Variants in MRM1 observed in about 807,000 individuals in gnomAD.
MRM1 encodes the protein mitochondrial rRNA methyltransferase 1.
A neutral mutation model predicts 25.0 loss-of-function variants in MRM1; 24 were observed. That is an observed-to-expected ratio of 0.96 (90% CI 0.69 to 1.35). The LOEUF (loss-of-function observed/expected upper bound fraction) is 1.35. MRM1 is among the 40% of genes most tolerant of loss of function. MRM1 has a pLI of 0.00. For synonymous variants in MRM1, 188 were observed against 199.2 expected (o/e 0.94, Z 0.47); for missense variants, 431 against 464.1 (o/e 0.93, Z 0.65).
At chr17:36,628,388 C>G in the MRM1 span, among the ~76,000 whole-genome samples, 2 of 152,212 alleles carry the variant, frequency 1.3e-5, no homozygotes, top group African/African-American at 4.8e-5. Context: ...AGTTCAGCTG[C>G]AGGCAGATAC....
At chr17:36,630,646 T>A in the MRM1 span, among the ~76,000 whole-genome samples, 2 of 151,470 alleles carry the variant, frequency 1.3e-5, no homozygotes, top group Non-Finnish European at 2.9e-5. Context: ...GATAGGAGAG[T>A]GAGGTGGTGA....
In MRM1 at chr17:36,602,199, C is replaced by G; in HGVS notation, c.389C>G (p.Pro130Arg). 6.2e-7 allele frequency: 1 copy of G among 1,610,766 alleles called. No individual in the cohort carries two copies. The highest frequency in any genetic ancestry group is 1.3e-5 in the African/African-American group (1 of 74,990). The change falls in exon 1 of 5, where the codon CCT becomes CGT. Residue 130 changes from proline to arginine, a missense_variant. By Grantham distance (103) the Pro-to-Arg change is moderately radical. Coordinates refer to ENST00000614766, the MANE Select transcript of MRM1 (RefSeq NM_024864.5). This position sits in a 1 kb window ranked among gnomAD's most constrained non-coding sequence, Gnocchi z 4.1. ...GAGGTGAGCCCGCTGCGGCCCCGGC[C>G]TTGGAGAGAGGCCGGGGAGGCGAGC... is the stretch of plus-strand genomic sequence containing the variant. ...CMEVSPLRPR[P>R]WREAGEASPG...
the MRM1 span, among the ~76,000 whole-genome samples, chr17:36,625,969 T>C: frequency 1.4e-5 from 2 of 147,654 alleles, no homozygotes; most frequent in African/African-American, 2.6e-5. Context: ...CTGATGCTCC[T>C]AGTTCCTCCA....
At chr17:36,626,036 C>T in the MRM1 span, among the ~76,000 whole-genome samples, 1 of 151,756 alleles carries the variant, frequency 6.6e-6, no homozygotes, top group African/African-American at 2.4e-5. Context: ...ACAGCTGTTC[C>T]TTGCGTCTGT....
At chr17:36,603,167 A>ACCCCCCCCCACCC in intron 2 of MRM1, 2 of 918,566 alleles carry the variant, frequency 2.2e-6, no homozygotes, top group Non-Finnish European at 2.6e-6. Context: ...CTCTGACCAT[A>ACCCCCCCCCACCC]CCCCCCCCAA....
intron 2 of MRM1, 63 bp from the exon 3 acceptor site, chr17:36,607,607 T>C: frequency 1.3e-6 from 2 of 1,545,322 alleles, no homozygotes; most frequent in Non-Finnish European, 1.7e-6. Flanking sequence ...TGAGCGAGAG[T>C]AAGACCCTAT....
chr17:36,615,001 C>T, the MRM1 span, among the ~76,000 whole-genome samples: 1 of 152,128 alleles, frequency 6.6e-6, no homozygotes, highest in South Asian at 2.1e-4. Flanking sequence ...TCAGCTCCTT[C>T]CCCAGATTGG....
chr17:36,603,087 TC>T (rs1314947536), intron 2 of MRM1: 10 of 985,196 alleles, frequency 1.0e-5, no homozygotes, highest in Non-Finnish European at 1.2e-5. Flanking sequence ...CCCTCTCCCA[TC>T]CGTTTGTCTT....
the MRM1 span, among the ~76,000 whole-genome samples, chr17:36,627,352 G>A: frequency 6.6e-6 from 1 of 152,202 alleles, no homozygotes; most frequent in South Asian, 2.1e-4. Flanking sequence ...GCCAGCCGCC[G>A]TTGACCTCAC....
chr17:36,610,767 C>A (rs1484593503), downstream of MRM1, among the ~76,000 whole-genome samples: 1 of 152,196 alleles, frequency 6.6e-6, no homozygotes, highest in South Asian at 2.1e-4. Flanking sequence ...CCAGAGGCAC[C>A]TGACTGATTA....
chr17:36,630,781 G>A, the MRM1 span, among the ~76,000 whole-genome samples: 22 of 152,198 alleles, frequency 1.4e-4, no homozygotes, highest in Non-Finnish European at 5.9e-5. Context: ...AAAGGTCTGG[G>A]AGGAGGAAGT....
chr17:36,629,307 C>G, the MRM1 span, among the ~76,000 whole-genome samples: 1 of 152,204 alleles, frequency 6.6e-6, no homozygotes, highest in African/African-American at 2.4e-5. Flanking sequence ...AAAGTGTCAT[C>G]TGGACACTAT....
chr17:36,622,896 G>A, the MRM1 span, among the ~76,000 whole-genome samples: 2 of 152,212 alleles, frequency 1.3e-5, no homozygotes. Context: ...GGGTGGGGAG[G>A]CTTGTGATCT....
In MRM1 at chr17:36,608,003, G is replaced by C; in HGVS notation, c.874G>C (p.Val292Leu). 6.2e-7 allele frequency: 1 copy of C among 1,614,102 alleles called. No homozygotes were observed. Among genetic ancestry groups the C allele is most frequent in the Non-Finnish European group, 8.5e-7 (1 of 1,180,030 alleles). Residue 292 changes from valine (V) to leucine (L), a missense_variant, in exon 4 of 5, where the codon GTC (valine) becomes CTC (leucine). Coordinates refer to ENST00000614766, the MANE Select transcript of MRM1 (RefSeq NM_024864.5). Reference protein sequence around the residue: ...QLPPGLESLNVSVAAGILLHS... With the variant: ...QLPPGLESLNLSVAAGILLHS... ...GCCTCCTGGACTTGAGTCCTTGAAC[G>C]TCTCTGTGGCTGCAGGTGAGTCTAC... is the stretch of plus-strand genomic sequence containing the variant.
the MRM1 span, among the ~76,000 whole-genome samples, chr17:36,615,127 A>T: frequency 6.6e-6 from 1 of 152,158 alleles, no homozygotes. Context: ...TTTTATGGAA[A>T]TGCCTGTCCT....
chr17:36,613,695 G>A (rs546083883), downstream of MRM1, among the ~76,000 whole-genome samples: 46 of 152,298 alleles, frequency 3.0e-4, 1 homozygote, highest in South Asian at 2.9e-3. Context: ...CTGTCCCACC[G>A]ACTCAGTCTA....
At chr17:36,609,455 C>T (rs1373148372), downstream of MRM1, among the ~76,000 whole-genome samples, 2 of 152,238 alleles carry the variant, frequency 1.3e-5, no homozygotes, top group Non-Finnish European at 2.9e-5. Context: ...ATTCCACACC[C>T]TTGACATTTT....
rs2074891114 is a variant in MRM1 at position 36,602,704 on chromosome 17, G to T, written c.636+58G>T. ...TGAGCCCAGCTCAGCCTCTTCAAGG[G>T]GACGAAGCTAGCCCCTGGCGAGGGA... On this transcript the variant is annotated intron_variant, in intron 2 of 4. Coordinates refer to ENST00000614766, the MANE Select transcript of MRM1 (RefSeq NM_024864.5). This position sits in a 1 kb window ranked among gnomAD's most constrained non-coding sequence, Gnocchi z 4.1. 2 of 1,589,338 alleles carry T rather than the reference G, an allele frequency of 1.3e-6. No individual in the cohort carries two copies. Among genetic ancestry groups the T allele is most frequent in the East Asian group, 2.2e-5 (1 of 44,742 alleles).
chr17:36,602,345 A>G lies in MRM1; in HGVS notation c.535A>G (p.Arg179Gly). 1.3e-6 allele frequency: 2 copies of G among 1,557,152 alleles called. No individual in the cohort carries two copies. Among genetic ancestry groups the G allele is most frequent in the Non-Finnish European group, 1.7e-6 (2 of 1,148,646 alleles). Reference protein sequence around the residue: ...LGVDKVITSRRNSCPLTPVVS... With the variant: ...LGVDKVITSRGNSCPLTPVVS... ...AGTGGATAAGGTCATCACCAGCCGGAGAAACAGGCACGGACGTCCCTCATT... is the reference window on the plus strand; with the variant it reads ...AGTGGATAAGGTCATCACCAGCCGGGGAAACAGGCACGGACGTCCCTCATT... The change falls in exon 1 of 5, where the codon AGA (arginine) becomes GGA (glycine). Residue 179 changes from arginine to glycine, a missense_variant. By Grantham distance (125) the Arg-to-Gly change is moderately radical (BLOSUM62 -2). Coordinates refer to ENST00000614766, the MANE Select transcript of MRM1 (RefSeq NM_024864.5). The surrounding 1 kb of genome is among the most constrained non-coding windows in gnomAD (Gnocchi z 4.1).
Sources: gnomAD v4.1 joint callset for allele counts (sites outside exome capture counted in the v4.1 genomes callset) on GRCh38, gnomAD v4.1.1 for gene constraint, Gnocchi (gnomAD v3.1) non-coding constraint, MANE v1.5 for transcripts, NCBI Gene and HGNC (gene_info 2026-07-23, HGNC 2026-07-21) for gene names.